SEMA4B: variants seen among roughly 807,000 people sequenced by gnomAD.
The protein encoded by SEMA4B is semaphorin-4B.
Under a neutral mutation model 88.1 loss-of-function variants are expected in SEMA4B, and 55 were observed. The ratio of observed to expected loss-of-function variants is 0.62; its 90% CI spans 0.50 to 0.78. The LOEUF (loss-of-function observed/expected upper bound fraction) is 0.78. SEMA4B is among the 30% of genes least tolerant of loss of function. The probability of loss-of-function intolerance (pLI) is 0.00; values close to 1 mark genes in which losing one functional copy is unlikely to be tolerated. For missense variants in SEMA4B, 1,062 were observed against 1,111.9 expected (o/e 0.96, Z 0.64); for synonymous variants, 525 against 473.6 (o/e 1.11, Z -1.41).
In SEMA4B at chr15:90,228,379, G is replaced by C; in HGVS notation, c.2250G>C (p.Gln750His). 1.3e-6 allele frequency: 2 copies of C among 1,599,222 alleles called. No homozygotes were observed. The highest frequency in any genetic ancestry group is 1.7e-6 in the Non-Finnish European group (2 of 1,172,458). ...HRNSMKVFLK[Q>H]GECASVHPKT... ...ACAGCATGAAAGTCTTCCTGAAGCA[G>C]GGGGAATGTGCCAGCGTGCACCCCA... is the stretch of plus-strand genomic sequence containing the variant. Residue 750 changes from glutamine (Q) to histidine (H), a missense_variant, in exon 14 of 14, where the codon CAG (glutamine) becomes CAC (histidine). By Grantham distance (24) the Gln-to-His change is conservative. Transcript: ENST00000411539.
chr15:90,198,329 C>A (rs553760576), upstream of SEMA4B, among the ~76,000 whole-genome samples: 2 of 152,252 alleles, frequency 1.3e-5, no homozygotes, highest in African/African-American at 4.8e-5. Flanking sequence ...TTCATTCATC[C>A]AGTACTTACT....
upstream of SEMA4B, among the ~76,000 whole-genome samples, chr15:90,197,929 A>C (rs925776291): frequency 6.8e-6 from 1 of 147,590 alleles, no homozygotes; most frequent in East Asian, 2.0e-4. Context: ...TTAATTAATT[A>C]ATTTTTTTTT....
Position 90,225,074 on chromosome 15 carries a change from G to A in SEMA4B, c.1301G>A (p.Arg434Gln), listed in dbSNP as rs201191439. The change falls in exon 10 of 14, where the codon CGA becomes CAA. Residue 434 changes from arginine (R) to glutamine (Q), a missense_variant. By Grantham distance (43) the Arg-to-Gln change is conservative. Transcript: ENST00000411539. Reference sequence around the variant, plus strand: ...CACTTCCTGATGGACGGGCAGGTCCGAAGCCGCATGCTGCTGCTGCAGCCC... The same window carrying A: ...CACTTCCTGATGGACGGGCAGGTCCAAAGCCGCATGCTGCTGCTGCAGCCC... ...KDHFLMDGQV[R>Q]SRMLLLQPQA... The A allele has an allele frequency of 1.3e-5, 21 of 1,613,850 alleles. No homozygotes were observed. The highest frequency in any genetic ancestry group is 4.5e-5 in the East Asian group (2 of 44,888).
chr15:90,202,180 G>A (rs1029597213), intron 1 of SEMA4B, among the ~76,000 whole-genome samples: 1 of 152,372 alleles, frequency 6.6e-6, no homozygotes, highest in South Asian at 2.1e-4. Flanking sequence ...AGCTGTGGTG[G>A]GCGGGCAGGC....
At chr15:90,218,113 A>G (rs1194107657) in intron 3 of SEMA4B, among the ~76,000 whole-genome samples, 1 of 152,208 alleles carries the variant, frequency 6.6e-6, no homozygotes, top group Non-Finnish European at 1.5e-5. Context: ...GGAAGCTAAT[A>G]GGTGTAAGGC....
chr15:90,196,802 A>T (rs922609618), upstream of SEMA4B, among the ~76,000 whole-genome samples: 1 of 152,108 alleles, frequency 6.6e-6, no homozygotes, highest in Non-Finnish European at 1.5e-5. Context: ...TACATTATTA[A>T]CCAGCATTTT....
In SEMA4B at chr15:90,212,388, G is replaced by T. The variant is rs1175014500; in HGVS notation, c.158-5051G>T. Reference sequence around the variant, plus strand: ...ACCCTGAATGGGAAAACCGGCCGCAGCCTCGGCGTGCCCTGCTTTCTTCAT... The same window carrying T: ...ACCCTGAATGGGAAAACCGGCCGCATCCTCGGCGTGCCCTGCTTTCTTCAT... On this transcript the variant is annotated intron_variant, in intron 1 of 13. Transcript: ENST00000411539. This position sits in a 1 kb window ranked among gnomAD's most constrained non-coding sequence, Gnocchi z 4.0. 6.6e-6 allele frequency among the ~76,000 whole-genome samples: 1 copy of T among 152,160 alleles called. No homozygotes were observed. The highest frequency in any genetic ancestry group is 1.5e-5 in the Non-Finnish European group (1 of 68,014).
intron 9 of SEMA4B, 69 bp downstream of exon 9, chr15:90,224,057 C>T: frequency 1.3e-6 from 2 of 1,488,600 alleles, no homozygotes; most frequent in South Asian, 2.4e-5. Context: ...ATGCTGGGAG[C>T]AAGGCTGCCT....
In SEMA4B at chr15:90,225,411, C is replaced by T. The variant is rs199818500; in HGVS notation, c.1521+14C>T. On this transcript the variant is annotated intron_variant, in intron 11 of 13. Coordinates refer to ENST00000411539, the MANE Select transcript of SEMA4B (RefSeq NM_198925.4). The stretch of plus-strand genomic sequence containing the variant: ...GACACCCACAGGGTGAGCAGGCCAA[C>T]GAGGAATCCTGGCAGGGTACTTGGG... The T allele has an allele frequency of 4.5e-4, 692 of 1,547,892 alleles. 1 individual carries two copies. The African/African-American group carries it at 5.7e-3, about 13-fold the overall frequency.
At chr15:90,187,705 A>C (rs1317264331) in intron 1 of SEMA4B, among the ~76,000 whole-genome samples, 2 of 152,174 alleles carry the variant, frequency 1.3e-5, no homozygotes, top group Non-Finnish European at 2.9e-5. Flanking sequence ...AGGGAGTGAA[A>C]GTGTCTAAAG....
Position 90,228,080 on chromosome 15 carries a change from C to T in SEMA4B, c.1951C>T (p.Leu651=). Reference sequence around the variant, plus strand: ...CCTGCTGCTGGTGGGCACCCAACAGCTGGGGGAGTTCCAGTGCTGGTCACT... The same window carrying T: ...CCTGCTGCTGGTGGGCACCCAACAGTTGGGGGAGTTCCAGTGCTGGTCACT... ...GDLLLVGTQQ[L]GEFQCWSLEE... The change falls in exon 14 of 14, where the codon CTG becomes TTG. Residue 651 remains leucine (L), a synonymous_variant. Coordinates refer to ENST00000411539, the MANE Select transcript of SEMA4B (RefSeq NM_198925.4). 6.2e-7 allele frequency: 1 copy of T among 1,613,074 alleles called. No individual in the cohort carries two copies. Among genetic ancestry groups the T allele is most frequent in the Non-Finnish European group, 8.5e-7 (1 of 1,179,458 alleles).
intron 11 of SEMA4B, 64 bp from the exon 12 acceptor site, chr15:90,225,597 G>T: frequency 6.6e-7 from 1 of 1,519,962 alleles, no homozygotes; most frequent in Non-Finnish European, 8.9e-7. Context: ...TACAAGCCGG[G>T]TGGCCATGGG....
At chr15:90,201,811 G>C in intron 1 of SEMA4B, 76 bp downstream of exon 1, 1 of 1,328,822 alleles carries the variant, frequency 7.5e-7, no homozygotes, top group Non-Finnish European at 9.7e-7. Flanking sequence ...GGAGGTGGCC[G>C]TGACAAAGGA....
At chr15:90,222,610 CACTT>C (rs1961918675) in intron 7 of SEMA4B, among the ~76,000 whole-genome samples, 1 of 152,062 alleles carries the variant, frequency 6.6e-6, no homozygotes, top group African/African-American at 2.4e-5. Context: ...ACACAAAAAT[CACTT>C]ACAAGTTAAA....
chr15:90,224,351 T>G (rs1050787528), intron 9 of SEMA4B, among the ~76,000 whole-genome samples: 2 of 152,220 alleles, frequency 1.3e-5, no homozygotes, highest in Non-Finnish European at 2.9e-5. Context: ...TCTTCCTCCC[T>G]TCTAGCCTAA....
intron 1 of SEMA4B, 75 bp from the exon 2 acceptor site, chr15:90,217,364 C>A: frequency 7.0e-7 from 1 of 1,438,314 alleles, no homozygotes; most frequent in Non-Finnish European, 9.4e-7. Context: ...TTAAACCAGT[C>A]CATCTAAAGG....
chr15:90,187,135 G>A (rs1213386101), intron 1 of SEMA4B, among the ~76,000 whole-genome samples: 1 of 152,048 alleles, frequency 6.6e-6, no homozygotes, highest in Non-Finnish European at 1.5e-5. Context: ...TCCAAAGTAA[G>A]TCCCTGGGAG....
intron 1 of SEMA4B, among the ~76,000 whole-genome samples, chr15:90,204,256 C>G (rs1453042255): frequency 6.6e-6 from 1 of 152,212 alleles, no homozygotes; most frequent in Non-Finnish European, 1.5e-5. Context: ...ACCCCTCTTT[C>G]CTCCTGCCAC....
intron 1 of SEMA4B, among the ~76,000 whole-genome samples, chr15:90,194,502 A>C (rs925217018): frequency 6.6e-6 from 1 of 152,086 alleles, no homozygotes; most frequent in Non-Finnish European, 1.5e-5. Flanking sequence ...ATTGCACTCC[A>C]GCCTGGGCAA....
Sources: allele counts gnomAD v4.1 joint callset (sites outside exome capture counted in the v4.1 genomes callset), GRCh38; gene constraint gnomAD v4.1.1; non-coding constraint Gnocchi (gnomAD v3.1); transcripts MANE v1.5; gene names NCBI Gene and HGNC (gene_info 2026-07-23, HGNC 2026-07-21).